The following DDX50 variants were observed in gnomAD, a reference collection of about 807,000 sequenced individuals.
DDX50 encodes the protein DExD-box helicase 50, also known as ATP-dependent RNA helicase DDX50.
Under a neutral mutation model 94.8 loss-of-function variants are expected in DDX50, and 56 were observed. The ratio of observed to expected loss-of-function variants is 0.59; its 90% CI spans 0.48 to 0.74. The LOEUF (loss-of-function observed/expected upper bound fraction) is 0.74. DDX50 is among the 30% of genes least tolerant of loss of function. The probability of loss-of-function intolerance (pLI) is 0.00; values close to 1 mark genes in which losing one functional copy is unlikely to be tolerated. For missense variants in DDX50, 713 were observed against 881.2 expected, an observed-to-expected ratio of 0.81 and a Z score of 2.42; for synonymous variants, 264 against 295.4, an observed-to-expected ratio of 0.89 and a Z score of 1.09.
chr10:68,901,756 A>G (rs543191025), intron 1 of DDX50, among the ~76,000 whole-genome samples: 4 of 152,278 alleles, frequency 2.6e-5, no homozygotes, highest in Non-Finnish European at 4.4e-5. Flanking sequence ...TCCCATCACC[A>G]TGGAATCTGT....
intron 8 of DDX50, among the ~76,000 whole-genome samples, chr10:68,932,487 T>C (rs1378159835): frequency 6.6e-6 from 1 of 152,180 alleles, no homozygotes; most frequent in Non-Finnish European, 1.5e-5. Context: ...CTTGAACTCC[T>C]GACTTCAAGT....
intron 13 of DDX50, among the ~76,000 whole-genome samples, chr10:68,942,215 T>C (rs1842570352): frequency 6.6e-6 from 1 of 152,198 alleles, no homozygotes; most frequent in Admixed American, 6.6e-5. Context: ...ATGATATGAA[T>C]TAAATAAATA....
At chr10:68,903,264 G>A (rs1320184568) in intron 1 of DDX50, among the ~76,000 whole-genome samples, 1 of 152,148 alleles carries the variant, frequency 6.6e-6, no homozygotes, top group Non-Finnish European at 1.5e-5. Flanking sequence ...GGGTGCGGTG[G>A]CTCATGCCTG....
intron 8 of DDX50, among the ~76,000 whole-genome samples, chr10:68,925,063 G>GCA (rs1842044595): frequency 6.8e-6 from 1 of 146,742 alleles, no homozygotes; most frequent in African/African-American, 2.5e-5. Context: ...ATTCCCCCAC[G>GCA]TAGATACAAG....
rs1427694729 is a variant in DDX50 at position 68,906,850 on chromosome 10, A to G, written c.227A>G (p.Glu76Gly). The change falls in exon 2 of 15, where the codon GAA becomes GGA. Residue 76 changes from glutamate (E) to glycine (G), a missense_variant. Around this residue, in one of 2 missense-constraint regions of DDX50, gnomAD observed 285 missense variants for 278.9 expected, o/e 1.02. Coordinates refer to ENST00000373585, the MANE Select transcript of DDX50 (RefSeq NM_024045.2). ...MKEKLNGDTEEGFNRLSDEFS... is the reference protein window; with the variant it reads ...MKEKLNGDTEGGFNRLSDEFS... ...GAGAAGCTAAATGGAGACACTGAAG[A>G]AGGATTTAATAGACTTTCAGATGAA... 1.9e-6 allele frequency: 3 copies of G among 1,613,842 alleles called. No individual in the cohort carries two copies. Among genetic ancestry groups the G allele is most frequent in the African/African-American group, 1.3e-5 (1 of 75,034 alleles).
intron 12 of DDX50, among the ~76,000 whole-genome samples, chr10:68,937,398 T>TA (rs5785882): frequency 8.6e-5 from 13 of 151,108 alleles, no homozygotes; most frequent in African/African-American, 2.9e-4. Flanking sequence ...AATTTGTAAT[T>TA]AAAAAAAAAA....
intron 13 of DDX50, 49 bp from the exon 14 acceptor site, chr10:68,943,164 C>A: frequency 2.6e-6 from 4 of 1,567,626 alleles, no homozygotes; most frequent in Non-Finnish European, 3.5e-6. Context: ...CAAAAAAAAT[C>A]TACACATATG....
intron 8 of DDX50, among the ~76,000 whole-genome samples, chr10:68,924,235 G>T (rs1842018100): frequency 6.6e-6 from 1 of 151,966 alleles, no homozygotes; most frequent in Non-Finnish European, 1.5e-5. Flanking sequence ...GCCTCCCAAA[G>T]TGCTGGGATT....
At chr10:68,935,895 A>G in intron 10 of DDX50, 111 bp from the exon 11 acceptor site, 2 of 756,900 alleles carry the variant, frequency 2.6e-6, no homozygotes, top group South Asian at 1.9e-5. Context: ...TGCTAGGGCT[A>G]TGAAATCTTT....
intron 1 of DDX50, among the ~76,000 whole-genome samples, chr10:68,905,314 A>G (rs1841414526): frequency 6.6e-6 from 1 of 152,084 alleles, no homozygotes; most frequent in African/African-American, 2.4e-5. Context: ...AAGTTGAAAA[A>G]TAGTGTTTTT....
chr10:68,915,062 A>G (rs953796810), intron 7 of DDX50, among the ~76,000 whole-genome samples: 4 of 150,084 alleles, frequency 2.7e-5, no homozygotes, highest in Non-Finnish European at 4.4e-5. Context: ...AGAAGAATCC[A>G]TAAAGGAAAA....
Position 68,937,056 on chromosome 10 carries a change from A to G in DDX50, c.1716A>G (p.Ala572=). 1 of 1,613,248 alleles carries G rather than the reference A, an allele frequency of 6.2e-7. No homozygotes were observed. Among genetic ancestry groups the G allele is most frequent in the Non-Finnish European group, 8.5e-7 (1 of 1,179,826 alleles). The stretch of plus-strand genomic sequence containing the variant: ...CAGCTTTAGCCCACATTTCTGGTGC[A>G]TCAAGCTTTGAACCACGATCTTTGA... ...LAAALAHISG[A]SSFEPRSLIT... is the part of the protein sequence containing the mutation. Residue 572 remains alanine (A), a synonymous_variant, in exon 12 of 15, where the codon GCA becomes GCG. Coordinates refer to ENST00000373585, the MANE Select transcript of DDX50 (RefSeq NM_024045.2).
rs181650582 is a variant in DDX50, at chr10:68,924,521, A to G, written c.1239+4540A>G. 1.7e-3 allele frequency among the ~76,000 whole-genome samples: 256 copies of G among 151,748 alleles called. 3 individuals are homozygous for G. Among genetic ancestry groups the G allele is most frequent in the South Asian group, 8.1e-3 (39 of 4,814 alleles). ...TTGACTGTGATCTCTTCTGTTGCTC[A>G]TTTTTAAATTAAGTTAAACTTTGAA... is the stretch of plus-strand genomic sequence containing the variant. On this transcript the variant is annotated intron_variant, in intron 8 of 14. Coordinates refer to ENST00000373585, the MANE Select transcript of DDX50 (RefSeq NM_024045.2).
Position 68,906,978 on chromosome 10 carries a change from C to T in DDX50, c.355C>T (p.His119Tyr), listed in dbSNP as rs776735726. Residue 119 changes from histidine (H) to tyrosine (Y), a missense_variant, in exon 2 of 15, where the codon CAT becomes TAT. Transcript: ENST00000373585. Reference protein sequence around the residue: ...KRVSSLDTSTHKSSDNKLEET... With the variant: ...KRVSSLDTSTYKSSDNKLEET... ...AGTATCATCTTTAGATACTTCTACT[C>T]ATAAATCAAGTGATAATAAACTAGA... 1 of 1,585,450 alleles carries T rather than the reference C, an allele frequency of 6.3e-7. No homozygotes were observed. The highest frequency in any genetic ancestry group is 1.2e-5 in the South Asian group (1 of 84,474).
intron 7 of DDX50, among the ~76,000 whole-genome samples, chr10:68,914,828 C>T (rs1243169204): frequency 6.6e-6 from 1 of 150,936 alleles, no homozygotes; most frequent in Non-Finnish European, 1.5e-5. Context: ...GTGAGACCAG[C>T]CTGGCCAATA....
intron 1 of DDX50, 126 bp downstream of exon 1, chr10:68,901,597 G>T: frequency 1.0e-6 from 1 of 993,272 alleles, no homozygotes; most frequent in Non-Finnish European, 1.4e-6. Flanking sequence ...CCTTCGCGCC[G>T]CCCTCGGCCC....
chr10:68,946,007 GAATAT>G (rs1842662197), intron 14 of DDX50, among the ~76,000 whole-genome samples: 1 of 151,588 alleles, frequency 6.6e-6, no homozygotes, highest in Non-Finnish European at 1.5e-5. Flanking sequence ...TATTAGAATA[GAATAT>G]ATTTAGAATG....
At position 68,906,893 on chromosome 10, in the gene DDX50, G is replaced by T; in HGVS notation, c.270G>T (p.Lys90Asn). 3 of 1,610,710 alleles carry T rather than the reference G, an allele frequency of 1.9e-6. No homozygotes were observed. Among genetic ancestry groups the T allele is most frequent in the Non-Finnish European group, 1.7e-6 (2 of 1,179,336 alleles). The part of the protein sequence containing the change: ...RLSDEFSKSH[K>N]SRRKDLPNGD... ...CAGATGAATTCTCCAAATCTCATAAGTCAAGAAGAAAAGATCTACCAAATG... is the reference window on the plus strand; with the variant it reads ...CAGATGAATTCTCCAAATCTCATAATTCAAGAAGAAAAGATCTACCAAATG... Residue 90 changes from lysine (K) to asparagine (N), a missense_variant, in exon 2 of 15, where the codon AAG (lysine) becomes AAT (asparagine). Lys to Asn is a moderately conservative substitution (Grantham distance 94). Transcript: ENST00000373585.
At chr10:68,928,015 C>T (rs1265299797) in intron 8 of DDX50, among the ~76,000 whole-genome samples, 1 of 152,020 alleles carries the variant, frequency 6.6e-6, no homozygotes. Context: ...AGCAAGATTC[C>T]ATCTCTTTAA....
Sources: allele counts gnomAD v4.1 joint callset (sites outside exome capture counted in the v4.1 genomes callset), GRCh38; gene constraint gnomAD v4.1.1; regional missense constraint gnomAD v4.1.1; transcripts MANE v1.5; gene names NCBI Gene and HGNC (gene_info 2026-07-23, HGNC 2026-07-21).